The following LDLRAD3 variants were observed in gnomAD, a reference collection of about 807,000 sequenced individuals.
LDLRAD3 encodes low-density lipoprotein receptor class A domain-containing protein 3.
In LDLRAD3, 20 loss-of-function variants were observed where a neutral mutation model predicts 29.4. That is an observed-to-expected ratio of 0.68 (90% CI 0.48 to 0.99). LDLRAD3 has a LOEUF of 0.99. Among genes scored for constraint, LDLRAD3 ranks in the 50% least tolerant of loss-of-function variants. LDLRAD3 has a pLI of 0.00. For missense variants in LDLRAD3, 420 were observed against 454.3 expected (o/e 0.92, Z 0.69); for synonymous variants, 157 against 192.7 (o/e 0.81, Z 1.53).
intron 4 of LDLRAD3, among the ~76,000 whole-genome samples, chr11:36,220,976 G>A (rs1855418349): frequency 6.6e-6 from 1 of 152,160 alleles, no homozygotes; most frequent in Non-Finnish European, 1.5e-5. Context: ...AAATTGCAAG[G>A]TAGGAGTTTT....
At chr11:36,123,214 A>G (rs186496344) in intron 4 of LDLRAD3, among the ~76,000 whole-genome samples, 10 of 152,326 alleles carry the variant, frequency 6.6e-5, no homozygotes, top group African/African-American at 2.4e-4. Context: ...AATAATAATA[A>G]AAGTGTGGTA....
intron 4 of LDLRAD3, among the ~76,000 whole-genome samples, chr11:36,124,236 T>C (rs1440045269): frequency 6.6e-6 from 1 of 152,210 alleles, no homozygotes; most frequent in Non-Finnish European, 1.5e-5. Flanking sequence ...TCTACCCTTA[T>C]CAGTCTCACT....
At chr11:36,217,945 C>T (rs149460230) in intron 4 of LDLRAD3, among the ~76,000 whole-genome samples, 1 of 152,262 alleles carries the variant, frequency 6.6e-6, no homozygotes, top group Non-Finnish European at 1.5e-5. Context: ...GAAACTCTTA[C>T]CTTAATTATA....
At chr11:36,124,917 C>T (rs529354824) in intron 4 of LDLRAD3, among the ~76,000 whole-genome samples, 5 of 152,210 alleles carry the variant, frequency 3.3e-5, no homozygotes, top group African/African-American at 1.2e-4. Flanking sequence ...GTCTTGATCT[C>T]CTGGCCTCAA....
At chr11:36,170,804 CTTT>C (rs763207036) in intron 4 of LDLRAD3, among the ~76,000 whole-genome samples, 15 of 138,288 alleles carry the variant, frequency 1.1e-4, no homozygotes, top group Non-Finnish European at 1.3e-4. Flanking sequence ...TGTATATCTT[CTTT>C]TTTTTTTTTT....
At chr11:36,008,087 T>C (rs1851907113) in intron 1 of LDLRAD3, among the ~76,000 whole-genome samples, 1 of 152,130 alleles carries the variant, frequency 6.6e-6, no homozygotes, top group South Asian at 2.1e-4. Context: ...GTTATAAATA[T>C]TAGATGCTTG....
chr11:36,118,538 A>T (rs1449992146), intron 4 of LDLRAD3, among the ~76,000 whole-genome samples: 1 of 151,778 alleles, frequency 6.6e-6, no homozygotes, highest in Non-Finnish European at 1.5e-5. Context: ...AAGGAGGGAG[A>T]GAGAGAGAAA....
At chr11:36,113,604 GTT>G (rs1404674771) in intron 4 of LDLRAD3, among the ~76,000 whole-genome samples, 2 of 149,758 alleles carry the variant, frequency 1.3e-5, no homozygotes, top group Admixed American at 1.3e-4. Context: ...GCTGATCAAT[GTT>G]TTCTTTCTCA....
chr11:36,101,343 T>C (rs1441608830), intron 4 of LDLRAD3, among the ~76,000 whole-genome samples: 1 of 152,204 alleles, frequency 6.6e-6, no homozygotes. Context: ...GCTCTGTACA[T>C]AGTGGATTTG....
chr11:35,963,430 T>A lies in LDLRAD3; in HGVS notation c.46+19286T>A, dbSNP rs2984698. ...TGCCTCTCCCAGTTCTGTGTGTGTG[T>A]GTGTTTTTTTTTTTTTAACACGTTG... On this transcript the variant is annotated intron_variant, in intron 1 of 5. Coordinates refer to ENST00000315571, the MANE Select transcript of LDLRAD3 (RefSeq NM_174902.4). 4.2e-3 allele frequency among the ~76,000 whole-genome samples: 541 copies of A among 128,504 alleles called. 4 individuals carry two copies. Among genetic ancestry groups the A allele is most frequent in the African/African-American group, 0.014 (510 of 36,696 alleles). 84.3% of individuals were successfully genotyped at this position (128,504 alleles called of 152,430 possible).
intron 4 of LDLRAD3, among the ~76,000 whole-genome samples, chr11:36,224,448 A>C (rs1855471767): frequency 6.6e-6 from 1 of 152,202 alleles, no homozygotes; most frequent in South Asian, 2.1e-4. Flanking sequence ...ACACATACAC[A>C]AGCCTCCACC....
intron 4 of LDLRAD3, among the ~76,000 whole-genome samples, chr11:36,209,837 G>T (rs1175894685): frequency 1.3e-5 from 2 of 152,160 alleles, no homozygotes; most frequent in Non-Finnish European, 2.9e-5. Context: ...AAAAATCAGG[G>T]TGTAACCATG....
intron 1 of LDLRAD3, among the ~76,000 whole-genome samples, chr11:35,966,397 C>G (rs920452340): frequency 2.0e-5 from 3 of 152,178 alleles, no homozygotes; most frequent in African/African-American, 7.2e-5. Flanking sequence ...TGCACTCCAG[C>G]CTGGGTGACA....
chr11:36,212,543 C>T (rs926030773), intron 4 of LDLRAD3, among the ~76,000 whole-genome samples: 1 of 148,532 alleles, frequency 6.7e-6, no homozygotes, highest in African/African-American at 2.5e-5. Flanking sequence ...CAGAGTGAGA[C>T]CCTGTCTCAA....
At chr11:36,156,825 G>A (rs11033468) in intron 4 of LDLRAD3, among the ~76,000 whole-genome samples, 29,193 of 152,142 alleles carry the variant, frequency 0.19, 3,323 homozygotes, top group Admixed American at 0.29. Flanking sequence ...CATAAATCAA[G>A]CTGGTAATTT....
At chr11:36,096,916 G>A (rs1028265362) in intron 3 of LDLRAD3, among the ~76,000 whole-genome samples, 26 of 152,322 alleles carry the variant, frequency 1.7e-4, no homozygotes, top group African/African-American at 5.8e-4. Context: ...GGCAGAGCTG[G>A]GATTGGAGTA....
At chr11:36,187,813 A>G (rs1254184146) in intron 4 of LDLRAD3, among the ~76,000 whole-genome samples, 1 of 152,208 alleles carries the variant, frequency 6.6e-6, no homozygotes, top group East Asian at 1.9e-4. Flanking sequence ...GATGATTTAT[A>G]TGATTACTGG....
At chr11:36,082,060 A>C (rs577392400) in intron 3 of LDLRAD3, among the ~76,000 whole-genome samples, 1 of 152,370 alleles carries the variant, frequency 6.6e-6, no homozygotes, top group East Asian at 1.9e-4. Flanking sequence ...TTAACAGATA[A>C]GAAATTTCAA....
intron 4 of LDLRAD3, among the ~76,000 whole-genome samples, chr11:36,123,405 C>T (rs1331275053): frequency 6.6e-6 from 1 of 152,212 alleles, no homozygotes; most frequent in Non-Finnish European, 1.5e-5. Context: ...TTTCTTTCTC[C>T]TGGGAGCAAT....
Sources: gnomAD v4.1 joint callset for allele counts (sites outside exome capture counted in the v4.1 genomes callset) on GRCh38, gnomAD v4.1.1 for gene constraint, MANE v1.5 for transcripts, NCBI Gene and HGNC (gene_info 2026-07-23, HGNC 2026-07-21) for gene names.